The following PEAK1 variants were observed in gnomAD, a reference collection of about 807,000 sequenced individuals.
PEAK1 encodes inactive tyrosine-protein kinase PEAK1.
PEAK1 carries 54 observed loss-of-function variants against 124.7 expected under a neutral mutation model. That is an observed-to-expected ratio of 0.43 (90% CI 0.35 to 0.54). PEAK1 has a LOEUF of 0.54. PEAK1 is among the 20% of genes least tolerant of loss of function. The probability of loss-of-function intolerance (pLI) is 0.01; values close to 1 mark genes in which losing one functional copy is unlikely to be tolerated. For synonymous variants in PEAK1, 719 were observed against 760.0 expected, an observed-to-expected ratio of 0.95 and a Z score of 0.89; for missense variants, 2,046 against 2,134.5, an observed-to-expected ratio of 0.96 and a Z score of 0.82.
rs565464095 is a variant in PEAK1, at chr15:77,418,537, T to C, written c.-666+1469A>G. The C allele has an allele frequency of 8.1e-6, 8 of 984,926 alleles. No homozygotes were observed. The African/African-American group carries it at 1.0e-4, about 13-fold the overall frequency. 61.0% of individuals were successfully genotyped at this position (984,926 alleles called of 1,614,324 possible). ...ATTGTTCATCTCTGGGCTGAGGCTA[T>C]AACCCTCAACTTTGAAGCCAAGAAA... On this transcript the variant is annotated intron_variant, in intron 1 of 9. Transcript: ENST00000682557.
intron 7 of PEAK1, among the ~76,000 whole-genome samples, chr15:77,160,133 G>C (rs2055501362): frequency 6.6e-6 from 1 of 151,910 alleles, no homozygotes; most frequent in Non-Finnish European, 1.5e-5. Context: ...CAAAAGAGGG[G>C]CTCCACACAA....
At chr15:77,403,547 T>C (rs758583628) in intron 1 of PEAK1, 23 of 972,380 alleles carry the variant, frequency 2.4e-5, no homozygotes, top group Non-Finnish European at 2.7e-5. Context: ...AGCATATTTA[T>C]TTAGAAAGTT....
chr15:77,308,157 A>G (rs1281232750), intron 2 of PEAK1, among the ~76,000 whole-genome samples: 1 of 152,120 alleles, frequency 6.6e-6, no homozygotes, highest in Non-Finnish European at 1.5e-5. Flanking sequence ...AGGCTTTTTA[A>G]TATAAGCTTT....
intron 1 of PEAK1, among the ~76,000 whole-genome samples, chr15:77,389,504 G>GT (rs2070270751): frequency 6.6e-6 from 1 of 152,110 alleles, no homozygotes; most frequent in African/African-American, 2.4e-5. Flanking sequence ...AAAAAGAAAC[G>GT]TAACAAAGCT....
chr15:77,187,781 A>T (rs1264698977), intron 6 of PEAK1, among the ~76,000 whole-genome samples: 1 of 152,168 alleles, frequency 6.6e-6, no homozygotes, highest in Admixed American at 6.5e-5. Context: ...CTCAGTGAGG[A>T]TCTATTGCCT....
At chr15:77,295,980 T>C (rs1460764049) in intron 2 of PEAK1, among the ~76,000 whole-genome samples, 1 of 152,224 alleles carries the variant, frequency 6.6e-6, no homozygotes, top group African/African-American at 2.4e-5. Flanking sequence ...TTTCTAAAAT[T>C]AAAAGATGTA....
At chr15:77,279,828 TAC>T (rs1410494351) in intron 5 of PEAK1, among the ~76,000 whole-genome samples, 1 of 152,200 alleles carries the variant, frequency 6.6e-6, no homozygotes, top group Non-Finnish European at 1.5e-5. Flanking sequence ...TAAAGCTGGA[TAC>T]AGTTTAGCTA....
intron 1 of PEAK1, among the ~76,000 whole-genome samples, chr15:77,414,502 C>T (rs2072717851): frequency 1.3e-5 from 2 of 151,834 alleles, no homozygotes; most frequent in South Asian, 4.2e-4. Context: ...GTATGACCCA[C>T]TATGCCAGGC....
At chr15:77,201,403 A>AT (rs1251707917) in intron 6 of PEAK1, among the ~76,000 whole-genome samples, 12 of 151,098 alleles carry the variant, frequency 7.9e-5, no homozygotes, top group East Asian at 2.0e-4. Context: ...ACACCTGGCT[A>AT]TTTTTTTTGT....
chr15:77,350,110 T>C, intron 2 of PEAK1: 1 of 985,394 alleles, frequency 1.0e-6, no homozygotes. Context: ...CCCAAATAGG[T>C]CTCTGTTCAA....
At chr15:77,415,897 T>C (rs2072843935) in intron 1 of PEAK1, among the ~76,000 whole-genome samples, 1 of 152,202 alleles carries the variant, frequency 6.6e-6, no homozygotes, top group Admixed American at 6.5e-5. Context: ...AGGCTCACAT[T>C]AAGAATGTCC....
At chr15:77,214,520 A>T (rs2059056748) in intron 6 of PEAK1, among the ~76,000 whole-genome samples, 1 of 150,902 alleles carries the variant, frequency 6.6e-6, no homozygotes, top group Non-Finnish European at 1.5e-5. Flanking sequence ...GCTACTCGGG[A>T]GGCTGAGGCA....
At chr15:77,353,601 G>C (rs1359200290) in intron 2 of PEAK1, among the ~76,000 whole-genome samples, 1 of 152,136 alleles carries the variant, frequency 6.6e-6, no homozygotes, top group Non-Finnish European at 1.5e-5. Context: ...GAAAATGTTG[G>C]TAATGAACTA....
intron 1 of PEAK1, among the ~76,000 whole-genome samples, chr15:77,365,751 A>AG (rs1369253020): frequency 6.6e-6 from 1 of 151,388 alleles, no homozygotes; most frequent in Non-Finnish European, 1.5e-5. Context: ...TAAAAAAAAA[A>AG]AAAAAAAAAA....
rs756569332 is a variant in PEAK1 at position 77,179,957 on chromosome 15, G to A, written c.1970C>T (p.Thr657Ile). ...ATAAGTATGGCTTATTACACTTGTG[G>A]TTTTTTCCTTCACTGAGAGTTCTCC... Reference protein sequence around the residue: ...TSGELSVKEKTTSVISHTYEE... With the variant: ...TSGELSVKEKITSVISHTYEE... The change falls in exon 7 of 10, where the codon ACC becomes ATC. Residue 657 changes from threonine (T) to isoleucine (I), a missense_variant. Physicochemically the swap from Thr to Ile is moderately conservative, Grantham distance 89. Coordinates refer to ENST00000682557, the MANE Select transcript of PEAK1 (RefSeq NM_001385026.1). The A allele has an allele frequency of 6.2e-7, 1 of 1,614,026 alleles. No individual in the cohort carries two copies. Among genetic ancestry groups the A allele is most frequent in the Non-Finnish European group, 8.5e-7 (1 of 1,179,946 alleles).
At chr15:77,312,394 G>T (rs2064531040) in intron 2 of PEAK1, among the ~76,000 whole-genome samples, 1 of 152,136 alleles carries the variant, frequency 6.6e-6, no homozygotes, top group South Asian at 2.1e-4. Flanking sequence ...TTCTTTCTTT[G>T]TGCTCCATTT....
chr15:77,126,647 A>G (rs1294946965), intron 9 of PEAK1, among the ~76,000 whole-genome samples: 2 of 152,218 alleles, frequency 1.3e-5, no homozygotes, highest in Admixed American at 1.3e-4. Context: ...CACATGTACT[A>G]TAACAATCAT....
At chr15:77,343,464 T>G (rs2066666142) in intron 2 of PEAK1, among the ~76,000 whole-genome samples, 1 of 150,366 alleles carries the variant, frequency 6.7e-6, no homozygotes, top group African/African-American at 2.4e-5. Flanking sequence ...GTTTTTAATT[T>G]TAGTAAAGTC....
chr15:77,375,004 A>G (rs1371558915), intron 1 of PEAK1, among the ~76,000 whole-genome samples: 1 of 152,234 alleles, frequency 6.6e-6, no homozygotes, highest in African/African-American at 2.4e-5. Context: ...ATTAAAGACC[A>G]TGATGTATTT....
Sources: gnomAD v4.1 joint callset for allele counts (sites outside exome capture counted in the v4.1 genomes callset) on GRCh38, gnomAD v4.1.1 for gene constraint, MANE v1.5 for transcripts, NCBI Gene and HGNC (gene_info 2026-07-23, HGNC 2026-07-21) for gene names.